The following ASCC1 variants were observed in gnomAD, a reference collection of about 807,000 sequenced individuals.
ASCC1 encodes the protein ASC-1 complex subunit P50.
In ASCC1, 35 loss-of-function variants were observed where a neutral mutation model predicts 46.6. That is an observed-to-expected ratio of 0.75 (90% CI 0.57 to 0.99). The LOEUF is 0.99. ASCC1 is among the 50% of genes least tolerant of loss of function. The pLI, the probability that ASCC1 is intolerant of heterozygous loss-of-function variation, is 0.00. For synonymous variants in ASCC1, 143 were observed against 146.6 expected, an observed-to-expected ratio of 0.98 and a Z score of 0.18; for missense variants, 376 against 428.7, an observed-to-expected ratio of 0.88 and a Z score of 1.09.
At chr10:72,180,656 T>G (rs573138077) in intron 5 of ASCC1, among the ~76,000 whole-genome samples, 2 of 151,248 alleles carry the variant, frequency 1.3e-5, no homozygotes, top group East Asian at 3.9e-4. Flanking sequence ...AAATCAAAAT[T>G]GATAATTCCA....
At chr10:72,109,766 CTT>C (rs1183154817) in intron 9 of ASCC1, among the ~76,000 whole-genome samples, 2 of 152,172 alleles carry the variant, frequency 1.3e-5, no homozygotes, top group African/African-American at 4.8e-5. Context: ...TCTCTGCAGT[CTT>C]TCAATTTTGA....
intron 2 of ASCC1, chr10:72,212,174 G>T: frequency 5.9e-6 from 1 of 169,304 alleles, no homozygotes; most frequent in Non-Finnish European, 1.3e-5. Context: ...TTAGCCAGGT[G>T]TGGTGGCAGG....
At chr10:72,201,971 C>T (rs1219505728) in intron 4 of ASCC1, among the ~76,000 whole-genome samples, 4 of 151,504 alleles carry the variant, frequency 2.6e-5, no homozygotes, top group African/African-American at 9.7e-5. Flanking sequence ...ACTAAAAGGC[C>T]GGGCATGGTG....
chr10:72,140,118 G>C (rs544401691), intron 7 of ASCC1, among the ~76,000 whole-genome samples: 7 of 152,012 alleles, frequency 4.6e-5, no homozygotes, highest in African/African-American at 1.7e-4. Context: ...AACATTCTTC[G>C]AACATCTATG....
intron 9 of ASCC1, among the ~76,000 whole-genome samples, chr10:72,099,465 G>C (rs952588787): frequency 6.6e-6 from 1 of 152,132 alleles, no homozygotes; most frequent in Admixed American, 6.5e-5. Flanking sequence ...TGGACAGAAG[G>C]CACCACCCAC....
intron 7 of ASCC1, 40 bp from the exon 8 acceptor site, chr10:72,133,221 A>C: frequency 3.7e-6 from 6 of 1,608,816 alleles, no homozygotes; most frequent in Non-Finnish European, 5.1e-6. Context: ...AATCTTAGTA[A>C]ACTTCTGAAC....
intron 4 of ASCC1, chr10:72,198,683 A>G: frequency 2.2e-6 from 1 of 456,146 alleles, no homozygotes; most frequent in Non-Finnish European, 4.4e-6. Context: ...AGGAGACACA[A>G]AAGAAATGGG....
At chr10:72,156,500 C>T (rs569706921) in intron 6 of ASCC1, among the ~76,000 whole-genome samples, 23 of 152,298 alleles carry the variant, frequency 1.5e-4, no homozygotes, top group African/African-American at 5.1e-4. Flanking sequence ...CGGTGGCTCA[C>T]GCCTGTAATC....
rs1468046933 is a variant in ASCC1 at position 72,196,823 on chromosome 10, C to T, written c.477G>A (p.Ala159=). ...TGTTTGCACTTACCATGGAGCACTT[C>T]GCCAGTACTTCCTCCTGGAATCTCA... ...GFLRFQEEVL[A]KCSMDHGVDS... Residue 159 remains alanine, a synonymous_variant, in exon 5 of 10, where the codon GCG becomes GCA. Coordinates refer to ENST00000672957, the MANE Select transcript of ASCC1 (RefSeq NM_001198800.3). 6.2e-6 allele frequency: 10 copies of T among 1,612,728 alleles called. No homozygotes were observed. Among genetic ancestry groups the T allele is most frequent in the East Asian group, 4.5e-5 (2 of 44,884 alleles).
At chr10:72,100,250 ACTCT>A (rs957457789) in intron 9 of ASCC1, among the ~76,000 whole-genome samples, 56 of 138,516 alleles carry the variant, frequency 4.0e-4, no homozygotes, top group Non-Finnish European at 5.1e-4. Context: ...TTTTAGACGG[ACTCT>A]CTCTCTCTCT....
rs1019591261 is a variant in ASCC1, at chr10:72,176,718, G to A, written c.490-15044C>T. Among the ~76,000 whole-genome samples the A allele has an allele frequency of 3.3e-5, 5 of 151,932 alleles. No homozygotes were observed. In the East Asian group the frequency reaches 9.6e-4, roughly 29 times the overall value. On this transcript the variant is annotated intron_variant, in intron 5 of 9. Transcript: ENST00000672957. ...CCCACACAAGAGCTTTCACAACTTG[G>A]GTGCCATGTCATTTCCACTCTTAAC...
At chr10:72,173,141 A>C (rs966064542) in intron 5 of ASCC1, among the ~76,000 whole-genome samples, 1 of 151,396 alleles carries the variant, frequency 6.6e-6, no homozygotes, top group African/African-American at 2.4e-5. Flanking sequence ...AAGTGCACAC[A>C]AGTACCTTTC....
At chr10:72,112,742 G>A (rs1200165302) in intron 9 of ASCC1, among the ~76,000 whole-genome samples, 1 of 151,844 alleles carries the variant, frequency 6.6e-6, no homozygotes, top group East Asian at 1.9e-4. Flanking sequence ...TGCCAGGCAT[G>A]GTGGCACACG....
intron 5 of ASCC1, among the ~76,000 whole-genome samples, chr10:72,166,768 A>G (rs1246214948): frequency 6.6e-6 from 1 of 152,226 alleles, no homozygotes; most frequent in Non-Finnish European, 1.5e-5. Flanking sequence ...ATTTTAAAAT[A>G]AGCTAAAGAT....
At chr10:72,197,843 T>C (rs1033738896) in intron 4 of ASCC1, among the ~76,000 whole-genome samples, 16 of 150,326 alleles carry the variant, frequency 1.1e-4, no homozygotes, top group African/African-American at 3.4e-4. Context: ...AAGCTGGAAG[T>C]TCCAGTGAAC....
intron 5 of ASCC1, among the ~76,000 whole-genome samples, chr10:72,172,942 ATATAT>A (rs1313203058): frequency 1.5e-4 from 20 of 135,818 alleles, no homozygotes; most frequent in Admixed American, 3.3e-4. Context: ...ATTTTATATT[ATATAT>A]TATATTTTAT....
Position 72,096,724 on chromosome 10 carries a change from T to C in ASCC1, c.*610A>G, listed in dbSNP as rs1430314122. On this transcript the variant is annotated 3_prime_UTR_variant, in exon 10 of 10. Transcript: ENST00000672957. ...ACATGTAACGGAACATTCCATTATATGTATAATACAGGAAGGAAATCCTGT... is the reference window on the plus strand; with the variant it reads ...ACATGTAACGGAACATTCCATTATACGTATAATACAGGAAGGAAATCCTGT... 1 of 454,102 alleles carries C rather than the reference T, an allele frequency of 2.2e-6. No individual in the cohort carries two copies. The highest frequency in any genetic ancestry group is 4.4e-6 in the Non-Finnish European group (1 of 226,798). 28.1% of individuals were successfully genotyped at this position (454,102 alleles called of 1,614,324 possible).
chr10:72,202,162 C>CT (rs1450142516), intron 4 of ASCC1, among the ~76,000 whole-genome samples: 1 of 152,026 alleles, frequency 6.6e-6, no homozygotes, highest in Non-Finnish European at 1.5e-5. Flanking sequence ...TTGCTGCACT[C>CT]TTTGACTTTA....
intron 6 of ASCC1, among the ~76,000 whole-genome samples, chr10:72,155,781 G>A (rs1205322865): frequency 1.3e-5 from 2 of 152,076 alleles, no homozygotes; most frequent in Non-Finnish European, 2.9e-5. Flanking sequence ...AGGCCTTGTT[G>A]TGCCATGCTG....
Sources: allele counts gnomAD v4.1 joint callset (sites outside exome capture counted in the v4.1 genomes callset), GRCh38; gene constraint gnomAD v4.1.1; transcripts MANE v1.5; gene names NCBI Gene and HGNC (gene_info 2026-07-23, HGNC 2026-07-21).